The following USP25 variants were observed in gnomAD, a reference collection of about 807,000 sequenced individuals.
The protein encoded by USP25 is ubiquitin specific peptidase 25.
USP25 carries 85 observed loss-of-function variants against 158.5 expected under a neutral mutation model. The observed-to-expected ratio is 0.54, with a 90% CI of 0.45 to 0.64. The LOEUF (loss-of-function observed/expected upper bound fraction) is 0.64, where lower values mean the gene tolerates loss of function less well. USP25 is among the 30% of genes least tolerant of loss of function. The pLI is 0.00. For synonymous variants in USP25, 464 were observed against 460.4 expected, an observed-to-expected ratio of 1.01 and a Z score of -0.10; for missense variants, 1,242 against 1,327.3, an observed-to-expected ratio of 0.94 and a Z score of 1.00.
intron 17 of USP25, among the ~76,000 whole-genome samples, chr21:15,838,020 G>A (rs770461097): frequency 1.3e-5 from 2 of 151,784 alleles, no homozygotes; most frequent in African/African-American, 2.4e-5. Context: ...ACTGCCTGCC[G>A]GGTTCAAGCA....
At chr21:15,788,467 C>A (rs2035416501) in intron 4 of USP25, among the ~76,000 whole-genome samples, 1 of 152,068 alleles carries the variant, frequency 6.6e-6, no homozygotes, top group Non-Finnish European at 1.5e-5. Context: ...ACGTGTTTAT[C>A]ACTCATTTAT....
intron 1 of USP25, among the ~76,000 whole-genome samples, chr21:15,737,248 A>G (rs772202443): frequency 1.3e-5 from 2 of 151,944 alleles, no homozygotes; most frequent in East Asian, 3.9e-4. Flanking sequence ...CCAGTTCTGT[A>G]TTTACTACCC....
intron 20 of USP25, among the ~76,000 whole-genome samples, chr21:15,852,024 A>G (rs938822978): frequency 6.6e-6 from 1 of 152,152 alleles, no homozygotes; most frequent in Non-Finnish European, 1.5e-5. Flanking sequence ...ATTTTCTTAA[A>G]TAAGTTATGT....
rs141408718 is a variant in USP25, at chr21:15,808,384, A to G, written c.781-425A>G. On this transcript the variant is annotated intron_variant, in intron 7 of 25. Coordinates refer to ENST00000400183, the MANE Select transcript of USP25 (RefSeq NM_001283041.3). ...TAAGAAAAGTGAATTGTGGAAAGAG[A>G]CTAGTCTTCCTTCTAAGAGAGAAGC... 2.0e-4 allele frequency among the ~76,000 whole-genome samples: 30 copies of G among 152,308 alleles called. 1 individual carries two copies. In the East Asian group the frequency reaches 5.6e-3, roughly 28 times the overall value.
intron 23 of USP25, among the ~76,000 whole-genome samples, chr21:15,870,902 A>T (rs149773433): frequency 1.3e-5 from 2 of 152,220 alleles, no homozygotes; most frequent in South Asian, 2.1e-4. Flanking sequence ...TTCTGGAGCT[A>T]TGCTGTCCAA....
Position 15,811,138 on chromosome 21 carries a change from G to T in USP25, c.859G>T (p.Asp287Tyr). Residue 287 changes from aspartate (D) to tyrosine (Y), a missense_variant and splice_region_variant, in exon 9 of 26, where the codon GAT becomes TAT. Asp to Tyr is a radical substitution (Grantham distance 160, BLOSUM62 -3). This residue lies in a region of USP25 where 627 missense variants were observed against 701.4 expected (regional missense o/e 0.89). Coordinates refer to ENST00000400183, the MANE Select transcript of USP25 (RefSeq NM_001283041.3). ...AFQMKAEEET[D>Y]EEKPKNPMVE... Reference sequence around the variant, plus strand: ...TTTATATTTTTTAACATACTTTAGGGATGAAGAGAAGCCAAAGAACCCCAT... The same window carrying T: ...TTTATATTTTTTAACATACTTTAGGTATGAAGAGAAGCCAAAGAACCCCAT... The T allele has an allele frequency of 6.2e-7, 1 of 1,610,378 alleles. No homozygotes were observed. Among genetic ancestry groups the T allele is most frequent in the Non-Finnish European group, 8.5e-7 (1 of 1,178,824 alleles).
intron 4 of USP25, among the ~76,000 whole-genome samples, chr21:15,782,421 A>G (rs983712133): frequency 1.3e-5 from 2 of 152,182 alleles, no homozygotes; most frequent in Non-Finnish European, 2.9e-5. Context: ...AGAGTCATGC[A>G]CAGCCTCCAG....
At chr21:15,820,836 G>A (rs1278474013) in intron 10 of USP25, among the ~76,000 whole-genome samples, 1 of 151,822 alleles carries the variant, frequency 6.6e-6, no homozygotes, top group Non-Finnish European at 1.5e-5. Context: ...TGCTGAAATA[G>A]CTGTGGCCAA....
intron 10 of USP25, among the ~76,000 whole-genome samples, chr21:15,820,957 T>C (rs2146337766): frequency 6.6e-6 from 1 of 152,086 alleles, no homozygotes; most frequent in South Asian, 2.1e-4. Context: ...TTAAACATGA[T>C]TATATCCAAA....
chr21:15,766,899 C>A lies in USP25; in HGVS notation c.268+758C>A, dbSNP rs2034070339. ...ATTTCTTATTTTGTTTATAGACATT[C>A]TCAAAGTTAGGAAGCAACCAGAAAA... is the stretch of plus-strand genomic sequence containing the variant. On this transcript the variant is annotated intron_variant, in intron 3 of 25. Transcript: ENST00000400183. This position sits in a 1 kb window ranked among gnomAD's most constrained non-coding sequence, Gnocchi z 4.0. Among the ~76,000 whole-genome samples the A allele has an allele frequency of 6.6e-6, 1 of 152,046 alleles. No homozygotes were observed. Among genetic ancestry groups the A allele is most frequent in the African/African-American group, 2.4e-5 (1 of 41,482 alleles).
intron 4 of USP25, among the ~76,000 whole-genome samples, chr21:15,788,712 T>G (rs1247148585): frequency 6.6e-6 from 1 of 152,092 alleles, no homozygotes; most frequent in African/African-American, 2.4e-5. Context: ...ACATGCTTTT[T>G]TTTTGCACCA....
intron 1 of USP25, among the ~76,000 whole-genome samples, chr21:15,752,561 T>C (rs1175625799): frequency 6.6e-6 from 1 of 152,174 alleles, no homozygotes; most frequent in Non-Finnish European, 1.5e-5. Context: ...CAGATATGGT[T>C]GAAAGGTTGG....
rs1343731393 is a variant in USP25, at chr21:15,816,819, A to G, written c.932-1879A>G. On this transcript the variant is annotated intron_variant, in intron 9 of 25. Coordinates refer to ENST00000400183, the MANE Select transcript of USP25 (RefSeq NM_001283041.3). The surrounding 1 kb of genome is among the most constrained non-coding windows in gnomAD (Gnocchi z 4.0). ...AAGAAAAAAAAAATCCTGTGTTCTT[A>G]CTTAAGTGGTGCCATTTTCAGTCCA... Among the ~76,000 whole-genome samples the G allele has an allele frequency of 6.6e-6, 1 of 152,102 alleles. No homozygotes were observed. The highest frequency in any genetic ancestry group is 6.5e-5 in the Admixed American group (1 of 15,268).
chr21:15,799,585 A>G (rs985230055), intron 5 of USP25, 172 bp from the exon 6 acceptor site: 4 of 444,788 alleles, frequency 9.0e-6, no homozygotes, highest in African/African-American at 8.0e-5. Flanking sequence ...TGGTATGTCA[A>G]ATAAAAGAAA....
intron 1 of USP25, among the ~76,000 whole-genome samples, chr21:15,750,187 T>G (rs1438980703): frequency 1.4e-5 from 2 of 142,356 alleles, no homozygotes; most frequent in African/African-American, 2.8e-5. Context: ...GTGCCGTGTG[T>G]GTGTGTGTGT....
intron 9 of USP25, 129 bp from the exon 10 acceptor site, chr21:15,818,568 AC>A (rs576043028): frequency 3.9e-4 from 300 of 763,632 alleles, no homozygotes; most frequent in Non-Finnish European, 5.8e-4. Flanking sequence ...GAAAATTAAC[AC>A]TAACACTTCT....
intron 20 of USP25, among the ~76,000 whole-genome samples, chr21:15,858,238 G>A (rs995411154): frequency 6.6e-6 from 1 of 151,850 alleles, no homozygotes; most frequent in African/African-American, 2.4e-5. Flanking sequence ...AATCCTTTTA[G>A]AATTGTATTT....
intron 24 of USP25, 27 bp from the exon 25 acceptor site, chr21:15,877,769 C>CTTTTTTTTT (rs752412491): frequency 1.5e-6 from 2 of 1,335,518 alleles, no homozygotes; most frequent in South Asian, 1.4e-5. Flanking sequence ...AAAACCTATT[C>CTTTTTTTTT]TTTTTTTTTT....
intron 20 of USP25, among the ~76,000 whole-genome samples, chr21:15,853,753 G>T (rs1385069409): frequency 6.6e-6 from 1 of 151,968 alleles, no homozygotes; most frequent in African/African-American, 2.4e-5. Context: ...TTTGCAATTA[G>T]GGTTATGTTA....
Sources: gnomAD v4.1 joint callset for allele counts (sites outside exome capture counted in the v4.1 genomes callset) on GRCh38, gnomAD v4.1.1 for gene constraint, gnomAD v4.1.1 regional missense constraint, Gnocchi (gnomAD v3.1) non-coding constraint, MANE v1.5 for transcripts, NCBI Gene and HGNC (gene_info 2026-07-23, HGNC 2026-07-21) for gene names.